DPYD: variants seen among roughly 807,000 people sequenced by gnomAD.
The protein encoded by DPYD is dihydropyrimidine dehydrogenase.
A neutral mutation model predicts 116.2 loss-of-function variants in DPYD; 109 were observed. That is an observed-to-expected ratio of 0.94 (90% CI 0.80 to 1.10). The LOEUF is 1.10. Among genes scored for constraint, DPYD ranks in the 50% least tolerant of loss-of-function variants. The pLI, the probability that DPYD is intolerant of heterozygous loss-of-function variation, is 0.00. For synonymous variants in DPYD, 440 were observed against 432.0 expected (o/e 1.02, Z -0.23); for missense variants, 1,302 against 1,254.5 (o/e 1.04, Z -0.57).
rs370353353 is a variant in DPYD at position 97,747,127 on chromosome 1, TAA to T, written c.234-6650_234-6649del. On this transcript the variant is annotated intron_variant, in intron 3 of 22. Transcript: ENST00000370192. Reference sequence around the variant, plus strand: ...TGAATTCTTAAAACTGAACAAAAAATAAGTTATTAATTACAACTATTAGAAGT... The same window carrying T: ...TGAATTCTTAAAACTGAACAAAAAATGTTATTAATTACAACTATTAGAAGT... Among the ~76,000 whole-genome samples, 607 of 152,142 alleles carry T rather than the reference TAA, an allele frequency of 4.0e-3. 6 individuals are homozygous for T. The highest frequency in any genetic ancestry group is 0.014 in the African/African-American group (584 of 41,548).
intron 18 of DPYD, among the ~76,000 whole-genome samples, chr1:97,242,122 G>A (rs1299458950): frequency 1.4e-5 from 1 of 71,590 alleles, no homozygotes; most frequent in Non-Finnish European, 2.8e-5. Flanking sequence ...GTGTGTGCGT[G>A]TGTATATATA....
At chr1:97,892,395 T>G (rs919456991) in intron 1 of DPYD, among the ~76,000 whole-genome samples, 1 of 151,796 alleles carries the variant, frequency 6.6e-6, no homozygotes, top group African/African-American at 2.4e-5. Context: ...TCATTAGTCA[T>G]AGTGTAGAGT....
rs1661011967 is a variant in DPYD at position 97,691,643 on chromosome 1, T to C, written c.762+74A>G. ...GTTCTTTCCTAAAATGCATGACATT[T>C]GCTGTTAATCTTTAGTGTAGAGCTT... is the stretch of plus-strand genomic sequence containing the variant. On this transcript the variant is annotated intron_variant, in intron 7 of 22. Coordinates refer to ENST00000370192, the MANE Select transcript of DPYD (RefSeq NM_000110.4). 3 of 1,246,820 alleles carry C rather than the reference T, an allele frequency of 2.4e-6. No homozygotes were observed. The East Asian group carries it at 7.0e-5, about 29-fold the overall frequency. The allele number at this position is 1,246,820 out of a possible 1,614,324, so 77.2% of individuals were successfully genotyped here. A position where few individuals can be genotyped will look rare whatever the true frequency, so the allele number is the denominator to read the frequency against.
intron 20 of DPYD, among the ~76,000 whole-genome samples, chr1:97,114,920 C>T (rs1651858790): frequency 6.6e-6 from 1 of 152,192 alleles, no homozygotes; most frequent in African/African-American, 2.4e-5. Flanking sequence ...TGTAATCCAT[C>T]TCTTATGTCA....
chr1:97,373,772 C>CGATA (rs1455363296), intron 15 of DPYD, 128 bp from the exon 16 acceptor site: 6 of 777,802 alleles, frequency 7.7e-6, no homozygotes, highest in Middle Eastern at 7.4e-4. Context: ...TCACAGCTAT[C>CGATA]TTGTGAGGTA....
intron 14 of DPYD, among the ~76,000 whole-genome samples, chr1:97,414,639 G>T (rs1249853146): frequency 6.6e-6 from 1 of 152,266 alleles, no homozygotes; most frequent in East Asian, 1.9e-4. Context: ...GAATTACTCT[G>T]TCCCACTTCA....
intron 18 of DPYD, among the ~76,000 whole-genome samples, chr1:97,291,695 G>T (rs964708009): frequency 5.3e-5 from 8 of 151,878 alleles, no homozygotes; most frequent in African/African-American, 1.9e-4. Context: ...TGTGGGGTGG[G>T]GGGAGTGGGG....
intron 20 of DPYD, among the ~76,000 whole-genome samples, chr1:97,168,848 ATTTTTTT>A (rs11457298): frequency 7.0e-6 from 1 of 142,390 alleles, no homozygotes; most frequent in Non-Finnish European, 1.5e-5. Flanking sequence ...CCACTTAGTA[ATTTTTTT>A]TTTTTTTTTG....
At chr1:97,859,695 C>T (rs1671023836) in intron 2 of DPYD, among the ~76,000 whole-genome samples, 1 of 152,086 alleles carries the variant, frequency 6.6e-6, no homozygotes, top group Admixed American at 6.6e-5. Context: ...CAAGCAACGA[C>T]AAGGATTCCT....
At chr1:97,425,253 G>A (rs1674798812) in intron 14 of DPYD, among the ~76,000 whole-genome samples, 3 of 151,920 alleles carry the variant, frequency 2.0e-5, no homozygotes, top group Non-Finnish European at 4.4e-5. Context: ...TCTGCCATAG[G>A]TCTCCCTCTT....
intron 18 of DPYD, among the ~76,000 whole-genome samples, chr1:97,254,880 C>T (rs1021148603): frequency 6.6e-6 from 1 of 152,056 alleles, no homozygotes; most frequent in Non-Finnish European, 1.5e-5. Flanking sequence ...GAGGCCAAGA[C>T]GCAGAAGATA....
At chr1:97,387,310 A>G (rs1197938448) in intron 14 of DPYD, among the ~76,000 whole-genome samples, 1 of 152,078 alleles carries the variant, frequency 6.6e-6, no homozygotes, top group East Asian at 1.9e-4. Context: ...ATGGCACACA[A>G]AAAGGAGCTT....
chr1:97,771,978 T>C (rs1187116917), intron 3 of DPYD, among the ~76,000 whole-genome samples: 2 of 152,182 alleles, frequency 1.3e-5, no homozygotes, highest in African/African-American at 4.8e-5. Flanking sequence ...TAAAATTTAG[T>C]AAGTAGAAAA....
chr1:97,136,358 T>C (rs1653797471), intron 20 of DPYD, among the ~76,000 whole-genome samples: 1 of 152,192 alleles, frequency 6.6e-6, no homozygotes, highest in African/African-American at 2.4e-5. Flanking sequence ...AGGTCAGTAC[T>C]GTTATTATTC....
Position 97,394,740 on chromosome 1 carries a change from G to A in DPYD, c.1906-12279C>T, listed in dbSNP as rs75803324. Among the ~76,000 whole-genome samples the A allele has an allele frequency of 1.4e-3, 206 of 152,082 alleles. 5 individuals are homozygous for A. The East Asian group carries it at 0.032, about 23-fold the overall frequency. On this transcript the variant is annotated intron_variant, in intron 14 of 22. Coordinates refer to ENST00000370192, the MANE Select transcript of DPYD (RefSeq NM_000110.4). ...AAAAGCAATATTGCAATAAAATGAG[G>A]TATGTCTGTATTGGAAATTGATTTC...
Position 97,203,168 on chromosome 1 carries a change from T to C in DPYD, c.2443-9920A>G, listed in dbSNP as rs1220981205. ...GTGCTGCATCAGTTACCACAGCAAT[T>C]TTCAATTACTCTGCAGTAACACAGG... On this transcript the variant is annotated intron_variant, in intron 19 of 22. Transcript: ENST00000370192. Among the ~76,000 whole-genome samples the C allele has an allele frequency of 5.3e-5, 8 of 152,148 alleles. 1 individual carries two copies. The highest frequency in any genetic ancestry group is 5.2e-4 in the Admixed American group (8 of 15,262).
intron 16 of DPYD, among the ~76,000 whole-genome samples, chr1:97,323,279 C>T (rs989685446): frequency 1.4e-5 from 2 of 143,740 alleles, no homozygotes; most frequent in East Asian, 2.1e-4. Flanking sequence ...TATATGTACA[C>T]GTATATATAC....
chr1:97,206,141 A>C (rs1213455441), intron 19 of DPYD, among the ~76,000 whole-genome samples: 1 of 151,078 alleles, frequency 6.6e-6, no homozygotes, highest in African/African-American at 2.4e-5. Context: ...TTCTCCAGAC[A>C]CTCCTCCAAG....
intron 3 of DPYD, among the ~76,000 whole-genome samples, chr1:97,774,107 C>T (rs1342788656): frequency 6.6e-6 from 1 of 152,204 alleles, no homozygotes; most frequent in Non-Finnish European, 1.5e-5. Context: ...GCATGCTCCC[C>T]CTAGGGGTTT....
Sources: allele counts gnomAD v4.1 joint callset (sites outside exome capture counted in the v4.1 genomes callset), GRCh38; gene constraint gnomAD v4.1.1; transcripts MANE v1.5; gene names NCBI Gene and HGNC (gene_info 2026-07-23, HGNC 2026-07-21).